The following FBXW10B variants were observed in gnomAD, a reference collection of about 807,000 sequenced individuals.
FBXW10B encodes F-box and WD repeat domain containing protein 10B.
the FBXW10B span, among the ~76,000 whole-genome samples, chr17:15,591,972 G>T: frequency 6.6e-6 from 1 of 152,140 alleles, no homozygotes; most frequent in Non-Finnish European, 1.5e-5. Flanking sequence ...TGCCCTCCCT[G>T]TCCCCTTCCT....
At chr17:15,584,160 C>G in the FBXW10B span, among the ~76,000 whole-genome samples, 1 of 152,142 alleles carries the variant, frequency 6.6e-6, no homozygotes, top group African/African-American at 2.4e-5. Context: ...AGATATTTAT[C>G]CCAACACGCT....
At chr17:15,601,703 C>T in the FBXW10B span, among the ~76,000 whole-genome samples, 1 of 152,070 alleles carries the variant, frequency 6.6e-6, no homozygotes, top group Non-Finnish European at 1.5e-5. Context: ...AGTGTGTTTA[C>T]CAAACTAATC....
the FBXW10B span, among the ~76,000 whole-genome samples, chr17:15,598,217 T>C: frequency 6.6e-6 from 1 of 152,172 alleles, no homozygotes; most frequent in Non-Finnish European, 1.5e-5. Flanking sequence ...ATGTATCTGC[T>C]TCCATTAGGA....
chr17:15,606,728 CTA>C, the FBXW10B span, among the ~76,000 whole-genome samples: 1 of 151,780 alleles, frequency 6.6e-6, no homozygotes, highest in Non-Finnish European at 1.5e-5. Context: ...TTTGTCATAC[CTA>C]GAGTTCAACT....
the FBXW10B span, among the ~76,000 whole-genome samples, chr17:15,611,139 T>G: frequency 6.6e-6 from 1 of 150,702 alleles, no homozygotes; most frequent in African/African-American, 2.4e-5. Flanking sequence ...TTCTCCTGCC[T>G]CAGCCTCCCG....
the FBXW10B span, chr17:15,593,663 T>C: frequency 2.8e-6 from 1 of 358,612 alleles, no homozygotes; most frequent in Non-Finnish European, 3.9e-6. Context: ...AGTTTCACTC[T>C]TGTTGCCCAG....
chr17:15,591,688 G>A, the FBXW10B span, among the ~76,000 whole-genome samples: 17 of 132,154 alleles, frequency 1.3e-4, no homozygotes, highest in Admixed American at 1.2e-3. Flanking sequence ...TTGAAATTCA[G>A]TGTTTTTGTT....
the FBXW10B span, among the ~76,000 whole-genome samples, chr17:15,567,851 A>G: frequency 4.6e-5 from 7 of 152,352 alleles, no homozygotes; most frequent in African/African-American, 1.4e-4. Context: ...TGTCTTTTTA[A>G]AATTTGCTTT....
At chr17:15,571,331 C>A in the FBXW10B span, among the ~76,000 whole-genome samples, 1 of 148,110 alleles carries the variant, frequency 6.8e-6, no homozygotes, top group Non-Finnish European at 1.5e-5. Context: ...GGTGACACAG[C>A]AAGACCCTGT....
the FBXW10B span, among the ~76,000 whole-genome samples, chr17:15,590,250 T>C: frequency 1.3e-5 from 2 of 151,834 alleles, no homozygotes; most frequent in Admixed American, 6.6e-5. Flanking sequence ...TGCTGGACCA[T>C]GGTGAGGGCT....
the FBXW10B span, chr17:15,589,138 T>C: frequency 6.2e-7 from 1 of 1,611,102 alleles, no homozygotes; most frequent in Non-Finnish European, 8.5e-7. Context: ...CAAGGAGGCA[T>C]TTCCTCCCTG....
the FBXW10B span, among the ~76,000 whole-genome samples, chr17:15,585,738 T>C: frequency 6.6e-6 from 1 of 152,232 alleles, no homozygotes; most frequent in Non-Finnish European, 1.5e-5. Context: ...TAGATGTTAT[T>C]GTTCTTTAGC....
the FBXW10B span, among the ~76,000 whole-genome samples, chr17:15,603,267 C>T: frequency 0.2 from 29,884 of 147,818 alleles, 3,335 homozygotes; most frequent in East Asian, 0.34. Flanking sequence ...GGGTATTCTC[C>T]AGCAGATGGC....
chr17:15,593,432 G>A, the FBXW10B span: 10 of 1,614,000 alleles, frequency 6.2e-6, no homozygotes, highest in Non-Finnish European at 6.8e-6. Flanking sequence ...TGTAAATTCG[G>A]ATCTTGCCAT....
At chr17:15,578,866 A>G in the FBXW10B span, among the ~76,000 whole-genome samples, 2 of 152,152 alleles carry the variant, frequency 1.3e-5, no homozygotes, top group African/African-American at 4.8e-5. Context: ...GTCAGCAATG[A>G]GGGAGATTCA....
chr17:15,616,604 A>C, the FBXW10B span, among the ~76,000 whole-genome samples: 1 of 151,884 alleles, frequency 6.6e-6, no homozygotes, highest in African/African-American at 2.4e-5. Flanking sequence ...GGAGATGGAG[A>C]CCATCCTGGC....
chr17:15,612,021 T>A, the FBXW10B span, among the ~76,000 whole-genome samples: 1 of 152,048 alleles, frequency 6.6e-6, no homozygotes, highest in Non-Finnish European at 1.5e-5. Flanking sequence ...CTCCTCAAAT[T>A]CCTGAGCAGC....
chr17:15,565,976 A>G, the FBXW10B span: 9 of 1,610,632 alleles, frequency 5.6e-6, no homozygotes, highest in Non-Finnish European at 7.6e-6. Flanking sequence ...GGTATGGTGG[A>G]CTGGGCTCTA....
the FBXW10B span, among the ~76,000 whole-genome samples, chr17:15,587,749 A>G: frequency 6.6e-6 from 1 of 152,106 alleles, no homozygotes; most frequent in Non-Finnish European, 1.5e-5. Flanking sequence ...ATGTGTGCAC[A>G]TAGGGTAAAG....
Sources: gnomAD v4.1 joint callset for allele counts (sites outside exome capture counted in the v4.1 genomes callset) on GRCh38, gnomAD v4.1.1 for gene constraint, MANE v1.5 for transcripts, NCBI Gene and HGNC (gene_info 2026-07-23, HGNC 2026-07-21) for gene names.